ZMAT4: variants seen among roughly 807,000 people sequenced by gnomAD.
ZMAT4 encodes the protein zinc finger matrin-type protein 4.
Under a neutral mutation model 28.7 loss-of-function variants are expected in ZMAT4, and 17 were observed. The observed-to-expected ratio is 0.59, with a 90% CI of 0.41 to 0.89. ZMAT4 has a LOEUF of 0.89. ZMAT4 is among the 40% of genes least tolerant of loss of function. ZMAT4 has a pLI of 0.00. For synonymous variants in ZMAT4, 117 were observed against 109.2 expected (o/e 1.07, Z -0.44); for missense variants, 240 against 283.8 (o/e 0.85, Z 1.11).
chr8:40,615,536 C>T (rs10092121), intron 5 of ZMAT4, among the ~76,000 whole-genome samples: 31,385 of 152,158 alleles, frequency 0.21, 3,356 homozygotes, highest in Middle Eastern at 0.27. Flanking sequence ...AACTTGGTTC[C>T]ATTCTCCCCG....
At chr8:40,801,075 A>T (rs1219406997) in intron 2 of ZMAT4, among the ~76,000 whole-genome samples, 1 of 151,890 alleles carries the variant, frequency 6.6e-6, no homozygotes, top group Non-Finnish European at 1.5e-5. Flanking sequence ...GCAATAATTT[A>T]AAAATGCCAT....
At chr8:40,626,303 A>T (rs1806379969) in intron 5 of ZMAT4, among the ~76,000 whole-genome samples, 1 of 152,176 alleles carries the variant, frequency 6.6e-6, no homozygotes, top group African/African-American at 2.4e-5. Flanking sequence ...AAACCAGCTA[A>T]GTGTGGCATC....
chr8:40,837,978 C>T (rs1026232988), intron 1 of ZMAT4, among the ~76,000 whole-genome samples: 3 of 152,220 alleles, frequency 2.0e-5, no homozygotes, highest in South Asian at 2.1e-4. Context: ...GCTTTGCCAT[C>T]TTGTGAGGGG....
intron 5 of ZMAT4, among the ~76,000 whole-genome samples, chr8:40,601,892 G>A (rs1805408124): frequency 6.6e-6 from 1 of 151,966 alleles, no homozygotes; most frequent in African/African-American, 2.4e-5. Flanking sequence ...TTTCAGTAGG[G>A]TTTTGGAGAA....
chr8:40,812,658 C>A (rs909213111), intron 2 of ZMAT4, among the ~76,000 whole-genome samples: 20 of 152,084 alleles, frequency 1.3e-4, no homozygotes, highest in African/African-American at 4.3e-4. Context: ...AGGTCAGGTG[C>A]GGTGGCTCAT....
chr8:40,746,478 C>T lies in ZMAT4; in HGVS notation c.192+21163G>A, dbSNP rs112527483. Among the ~76,000 whole-genome samples, 304 of 151,688 alleles carry T rather than the reference C, an allele frequency of 2.0e-3. 3 individuals carry two copies. Among genetic ancestry groups the T allele is most frequent in the African/African-American group, 6.8e-3 (281 of 41,364 alleles). On this transcript the variant is annotated intron_variant, in intron 3 of 6. Coordinates refer to ENST00000297737, the MANE Select transcript of ZMAT4 (RefSeq NM_024645.3). ...TCCTGGGTTCAAGCAATTCTCCTGC[C>T]TCAGCTTCCCAAGTAGTTAGGACTA...
chr8:40,553,564 C>T (rs1214379064), intron 6 of ZMAT4, among the ~76,000 whole-genome samples: 2 of 152,094 alleles, frequency 1.3e-5, no homozygotes, highest in African/African-American at 4.8e-5. Flanking sequence ...GCTGTGAGGA[C>T]CAAAATAGTC....
intron 6 of ZMAT4, among the ~76,000 whole-genome samples, chr8:40,566,854 G>A (rs1198142854): frequency 6.6e-6 from 1 of 152,002 alleles, no homozygotes; most frequent in Non-Finnish European, 1.5e-5. Context: ...TATCTAGTAA[G>A]CTTATGTGAT....
intron 5 of ZMAT4, among the ~76,000 whole-genome samples, chr8:40,604,062 A>G (rs549395099): frequency 6.6e-6 from 1 of 152,276 alleles, no homozygotes; most frequent in South Asian, 2.1e-4. Flanking sequence ...ATTTGTGTAC[A>G]TTGATTTTGT....
At chr8:40,850,450 G>C (rs1431919488) in intron 1 of ZMAT4, among the ~76,000 whole-genome samples, 1 of 152,166 alleles carries the variant, frequency 6.6e-6, no homozygotes, top group Non-Finnish European at 1.5e-5. Context: ...CTGCTTCACA[G>C]GGCGGATCAC....
chr8:40,571,496 G>A (rs1585699919), intron 6 of ZMAT4, among the ~76,000 whole-genome samples: 1 of 152,110 alleles, frequency 6.6e-6, no homozygotes, highest in Non-Finnish European at 1.5e-5. Flanking sequence ...GGATTTCAAT[G>A]TTCTACCAAT....
chr8:40,674,546 G>A (rs984525476), intron 5 of ZMAT4, 158 bp downstream of exon 5: 1 of 597,880 alleles, frequency 1.7e-6, no homozygotes, highest in African/African-American at 1.9e-5. Flanking sequence ...ACTAAAGCAA[G>A]CCTTCTGCTC....
At chr8:40,881,586 GAAAGAAAGAAAGA>G (rs879695519) in intron 1 of ZMAT4, among the ~76,000 whole-genome samples, 2,822 of 104,922 alleles carry the variant, frequency 0.027, 127 homozygotes, top group Non-Finnish European at 0.033. Context: ...AAGAAAGAAA[GAAAGAAAGAAAGA>G]AAAGAAAAGA....
chr8:40,569,850 T>C (rs1804036559), intron 6 of ZMAT4, among the ~76,000 whole-genome samples: 1 of 152,020 alleles, frequency 6.6e-6, no homozygotes, highest in Non-Finnish European at 1.5e-5. Flanking sequence ...AAGAAAGCAC[T>C]GGAGAAAAAA....
At chr8:40,732,826 A>G (rs1435877136) in intron 3 of ZMAT4, among the ~76,000 whole-genome samples, 4 of 146,800 alleles carry the variant, frequency 2.7e-5, no homozygotes, top group Non-Finnish European at 5.9e-5. Flanking sequence ...TGGGCTGAGC[A>G]AGACCTCCTT....
At chr8:40,635,523 G>C (rs1806758936) in intron 5 of ZMAT4, among the ~76,000 whole-genome samples, 2 of 152,160 alleles carry the variant, frequency 1.3e-5, no homozygotes, top group Admixed American at 1.3e-4. Context: ...GCATACTTCT[G>C]TTCCAAGATG....
chr8:40,548,735 A>T (rs1402582646), intron 6 of ZMAT4, among the ~76,000 whole-genome samples: 3 of 152,174 alleles, frequency 2.0e-5, no homozygotes, highest in Non-Finnish European at 2.9e-5. Context: ...ACAAAACAAA[A>T]CAAAACAATA....
chr8:40,657,030 T>A (rs1807957506), intron 5 of ZMAT4, among the ~76,000 whole-genome samples: 1 of 152,192 alleles, frequency 6.6e-6, no homozygotes. Context: ...TATTTATTTA[T>A]TATTTATTTA....
At chr8:40,789,058 AAGGGAAGGG>A (rs1446746891) in intron 2 of ZMAT4, among the ~76,000 whole-genome samples, 3 of 128,946 alleles carry the variant, frequency 2.3e-5, no homozygotes, top group South Asian at 3.2e-4. Flanking sequence ...AAGGGAAGGG[AAGGGAAGGG>A]AGGGAAGGGA....
Sources: gnomAD v4.1 joint callset for allele counts (sites outside exome capture counted in the v4.1 genomes callset) on GRCh38, gnomAD v4.1.1 for gene constraint, MANE v1.5 for transcripts, NCBI Gene and HGNC (gene_info 2026-07-23, HGNC 2026-07-21) for gene names.